Variants in KLHL41 observed in about 807,000 individuals in gnomAD.
The protein encoded by KLHL41 is kelch-like protein 41.
A neutral mutation model predicts 49.2 loss-of-function variants in KLHL41; 31 were observed. The observed-to-expected ratio is 0.63, with a 90% confidence interval of 0.47 to 0.85. The LOEUF is 0.85. Among genes scored for constraint, KLHL41 ranks in the 40% least tolerant of loss-of-function variants. KLHL41 has a pLI of 0.00. For synonymous variants in KLHL41, 218 were observed against 258.5 expected, an observed-to-expected ratio of 0.84 and a Z score of 1.50; for missense variants, 663 against 726.7, an observed-to-expected ratio of 0.91 and a Z score of 1.01.
Position 169,510,804 on chromosome 2 carries a change from C to T in KLHL41, c.1026C>T (p.Thr342=). 8 of 1,613,908 alleles carry T rather than the reference C, an allele frequency of 5.0e-6. No individual in the cohort carries two copies. Among genetic ancestry groups the T allele is most frequent in the Non-Finnish European group, 6.8e-6 (8 of 1,179,958 alleles). The part of the protein sequence containing the change: ...QIPRNHSSIV[T]QQNQIYVVGG... ...CCAGAAATCATTCCAGCATTGTTAC[C>T]CAGCAAAATCAGATATATGTGGTAG... Residue 342 remains threonine (T), a synonymous_variant, in exon 1 of 6, where the codon ACC becomes ACT. Coordinates refer to ENST00000284669, the MANE Select transcript of KLHL41 (RefSeq NM_006063.3). This position sits in a 1 kb window ranked among gnomAD's most constrained non-coding sequence, Gnocchi z 4.2.
At chr2:169,518,076 C>T (rs1446471180) in intron 3 of KLHL41, 114 bp from the exon 4 acceptor site, 2 of 710,314 alleles carry the variant, frequency 2.8e-6, no homozygotes, top group Non-Finnish European at 4.6e-6. Flanking sequence ...ATTAAGAATT[C>T]TTTGGAGTTT....
chr2:169,522,070 A>G (rs1684211149), intron 5 of KLHL41, among the ~76,000 whole-genome samples: 1 of 152,040 alleles, frequency 6.6e-6, no homozygotes, highest in Non-Finnish European at 1.5e-5. Flanking sequence ...TTTTTTAACA[A>G]GATTCTTAGG....
chr2:169,519,837 A>G (rs372078645), intron 4 of KLHL41, among the ~76,000 whole-genome samples: 1 of 151,806 alleles, frequency 6.6e-6, no homozygotes, highest in Non-Finnish European at 1.5e-5. Context: ...CAGGTGATCC[A>G]CCCACCTAGG....
chr2:169,514,628 T>C lies in KLHL41; in HGVS notation c.1165T>C (p.Cys389Arg). ...ACTTCCACCTCTGCCTTCAGCCAGG[T>C]GTCTCTTCGGTCTGGGAGAGGTGGA... ...VGLPPLPSAR[C>R]LFGLGEVDDK... The change falls in exon 2 of 6, where the codon TGT (cysteine) becomes CGT (arginine). Residue 389 changes from cysteine (C) to arginine (R), a missense_variant. Around this residue, in one of 3 missense-constraint regions of KLHL41, gnomAD observed 528 missense variants for 581.0 expected, o/e 0.91. Coordinates refer to ENST00000284669, the MANE Select transcript of KLHL41 (RefSeq NM_006063.3). 6.2e-7 allele frequency: 1 copy of C among 1,613,964 alleles called. No individual in the cohort carries two copies. The highest frequency in any genetic ancestry group is 8.5e-7 in the Non-Finnish European group (1 of 1,179,856).
In KLHL41 at chr2:169,525,700, A is replaced by C; in HGVS notation, c.*4A>C. 1 of 1,547,118 alleles carries C rather than the reference A, an allele frequency of 6.5e-7. No homozygotes were observed. The highest frequency in any genetic ancestry group is 1.4e-5 in the African/African-American group (1 of 73,654). ...CTTCAAACTGTCTAAACTGTGAACA[A>C]GGTGACAAAACATAATAGATTGGGA... On this transcript the variant is annotated 3_prime_UTR_variant, in exon 6 of 6. Transcript: ENST00000284669.
chr2:169,524,092 A>G (rs1684261681), intron 5 of KLHL41, among the ~76,000 whole-genome samples: 1 of 152,160 alleles, frequency 6.6e-6, no homozygotes, highest in Non-Finnish European at 1.5e-5. Flanking sequence ...AGTAAATATA[A>G]CTGCCAGGAA....
At position 169,510,699 on chromosome 2, in the gene KLHL41, C is replaced by A; in HGVS notation, c.921C>A (p.Leu307=). 6.2e-7 allele frequency: 1 copy of A among 1,614,140 alleles called. No individual in the cohort carries two copies. The highest frequency in any genetic ancestry group is 8.5e-7 in the Non-Finnish European group (1 of 1,180,002). Residue 307 remains leucine, a synonymous_variant, in exon 1 of 6, where the codon CTC becomes CTA. Transcript: ENST00000284669. This position sits in a 1 kb window ranked among gnomAD's most constrained non-coding sequence, Gnocchi z 4.2. ...GAATGTTTGTAAAAGACCTCATCCT[C>A]TTGGTTAATGACACAGCAGCAGTGG... ...RHGMFVKDLI[L]LVNDTAAVAY...
In KLHL41 at chr2:169,509,775, C is replaced by T; in HGVS notation, c.-4C>T. 6.2e-7 allele frequency: 1 copy of T among 1,605,882 alleles called. No individual in the cohort carries two copies. The highest frequency in any genetic ancestry group is 8.5e-7 in the Non-Finnish European group (1 of 1,177,964). On this transcript the variant is annotated 5_prime_UTR_variant, in exon 1 of 6. Coordinates refer to ENST00000284669, the MANE Select transcript of KLHL41 (RefSeq NM_006063.3). ...TCCCCTTCCTTACCCAGGTTTCTCACAGAATGGATTCCCAGCGGGAACTTG... is the reference window on the plus strand; with the variant it reads ...TCCCCTTCCTTACCCAGGTTTCTCATAGAATGGATTCCCAGCGGGAACTTG...
chr2:169,524,502 G>T (rs1574355377), intron 5 of KLHL41, among the ~76,000 whole-genome samples: 1 of 146,606 alleles, frequency 6.8e-6, no homozygotes, highest in South Asian at 2.1e-4. Flanking sequence ...GGTTCAAGCA[G>T]TTCTCTTGCC....
intron 4 of KLHL41, among the ~76,000 whole-genome samples, chr2:169,519,507 A>G (rs1684166440): frequency 6.6e-6 from 1 of 152,154 alleles, no homozygotes; most frequent in Admixed American, 6.5e-5. Context: ...TTTCATTTAT[A>G]TGTATGGAAG....
At chr2:169,522,134 A>T (rs1003643793) in intron 5 of KLHL41, among the ~76,000 whole-genome samples, 15 of 152,210 alleles carry the variant, frequency 9.9e-5, no homozygotes, top group African/African-American at 3.4e-4. Flanking sequence ...AGTGCCATTT[A>T]TACTTAATCA....
rs1231868988 is a variant in KLHL41, at chr2:169,514,623, C to T, written c.1160C>T (p.Ala387Val). Residue 387 changes from alanine to valine, a missense_variant, in exon 2 of 6, where the codon GCC (alanine) becomes GTC (valine). Transcript: ENST00000284669. ...GTTGGACTTCCACCTCTGCCTTCAG[C>T]CAGGTGTCTCTTCGGTCTGGGAGAG... ...EWVGLPPLPS[A>V]RCLFGLGEVD... is the part of the protein sequence containing the mutation. 6.2e-7 allele frequency: 1 copy of T among 1,613,764 alleles called. No homozygotes were observed. Among genetic ancestry groups the T allele is most frequent in the Admixed American group, 1.7e-5 (1 of 60,010 alleles).
At position 169,518,278 on chromosome 2, in the gene KLHL41, G is replaced by A; in HGVS notation, c.1465G>A (p.Gly489Arg). The A allele has an allele frequency of 6.2e-7, 1 of 1,614,016 alleles. No homozygotes were observed. Among genetic ancestry groups the A allele is most frequent in the Non-Finnish European group, 8.5e-7 (1 of 1,179,912 alleles). ...AATGAAAATTCCTCGTTCCATGTTTGGAGTAGCAGTCCATAAAGGCAAAAT... is the reference window on the plus strand; with the variant it reads ...AATGAAAATTCCTCGTTCCATGTTTAGAGTAGCAGTCCATAAAGGCAAAAT... ...APMKIPRSMF[G>R]VAVHKGKIVI... is the part of the protein sequence containing the mutation. The change falls in exon 4 of 6, where the codon GGA becomes AGA. Residue 489 changes from glycine (G) to arginine (R), a missense_variant. Gly to Arg is a moderately radical substitution (Grantham distance 125). Transcript: ENST00000284669.
At chr2:169,514,509 T>C in intron 1 of KLHL41, 65 bp from the exon 2 acceptor site, 1 of 1,389,372 alleles carries the variant, frequency 7.2e-7, no homozygotes. Context: ...AAGTATAACT[T>C]TTTTTGGTGT....
In KLHL41 at chr2:169,510,875, C is replaced by A; in HGVS notation, c.1097C>A (p.Ser366Ter). 1 of 1,611,894 alleles carries A rather than the reference C, an allele frequency of 6.2e-7. No individual in the cohort carries two copies. Among genetic ancestry groups the A allele is most frequent in the South Asian group, 1.1e-5 (1 of 90,746 alleles). Residue 366 changes from serine (S) to a stop codon, truncating the protein, a stop_gained, in exon 1 of 6, where the codon TCA (serine) becomes TAA (stop). Coordinates refer to ENST00000284669, the MANE Select transcript of KLHL41 (RefSeq NM_006063.3). LOFTEE classifies it high-confidence loss of function. This position sits in a 1 kb window ranked among gnomAD's most constrained non-coding sequence, Gnocchi z 4.2. ...GAAAATAAGGATCAACCTCTACAGT[C>A]ATACTTCTTCCAGGTAAGAAGGACT... ...DEENKDQPLQ[S>*]YFFQLDSIAS...
At chr2:169,521,120 T>A in intron 5 of KLHL41, 113 bp downstream of exon 5, 1 of 935,756 alleles carries the variant, frequency 1.1e-6, no homozygotes, top group Non-Finnish European at 1.6e-6. Context: ...TACTTCTTGG[T>A]AGTAGACTAA....
At chr2:169,514,406 G>A (rs1684075340) in intron 1 of KLHL41, 168 bp from the exon 2 acceptor site, 2 of 480,604 alleles carry the variant, frequency 4.2e-6, no homozygotes, top group Non-Finnish European at 7.2e-6. Context: ...CATTCTTCTT[G>A]GTAATTATGA....
At chr2:169,523,557 C>T (rs1172390500) in intron 5 of KLHL41, among the ~76,000 whole-genome samples, 1 of 152,130 alleles carries the variant, frequency 6.6e-6, no homozygotes, top group African/African-American at 2.4e-5. Flanking sequence ...TCAAACTTTG[C>T]TGCATATTAG....
intron 1 of KLHL41, 76 bp from the exon 2 acceptor site, chr2:169,514,498 A>G (rs984929703): frequency 1.6e-6 from 2 of 1,249,202 alleles, no homozygotes; most frequent in African/African-American, 3.0e-5. Context: ...AACAACATAT[A>G]AAGTATAACT....
Sources: gnomAD v4.1 joint callset for allele counts (sites outside exome capture counted in the v4.1 genomes callset) on GRCh38, gnomAD v4.1.1 for gene constraint, gnomAD v4.1.1 regional missense constraint, Gnocchi (gnomAD v3.1) non-coding constraint, MANE v1.5 for transcripts, NCBI Gene and HGNC (gene_info 2026-07-23, HGNC 2026-07-21) for gene names.